CNTNAP2: variants seen among roughly 807,000 people sequenced by gnomAD.
CNTNAP2 encodes contactin-associated protein-like 2.
In CNTNAP2, 98 loss-of-function variants were observed where a neutral mutation model predicts 155.2. The observed-to-expected ratio is 0.63, with a 90% CI of 0.54 to 0.75. The LOEUF is 0.75. CNTNAP2 is among the 30% of genes least tolerant of loss of function. CNTNAP2 has a pLI of 0.00. For missense variants in CNTNAP2, 1,727 were observed against 1,688.1 expected (o/e 1.02, Z -0.40); for synonymous variants, 651 against 631.2 (o/e 1.03, Z -0.47).
At chr7:146,858,655 T>C (rs1461095227) in intron 3 of CNTNAP2, among the ~76,000 whole-genome samples, 1 of 152,118 alleles carries the variant, frequency 6.6e-6, no homozygotes, top group Non-Finnish European at 1.5e-5. Flanking sequence ...GATCACACCA[T>C]TGCACTCCAG....
At chr7:147,100,327 A>G (rs1257886862) in intron 4 of CNTNAP2, among the ~76,000 whole-genome samples, 4 of 152,168 alleles carry the variant, frequency 2.6e-5, no homozygotes, top group Non-Finnish European at 5.9e-5. Context: ...GGTTTATCAT[A>G]TATACATTTT....
chr7:148,038,525 C>A lies in CNTNAP2; in HGVS notation c.2383+60536C>A, dbSNP rs78915818. Reference sequence around the variant, plus strand: ...TTTATGAAAGCATTTCTCAGTCACACCTTTTTTGCCATTTCTGTTTCTGTT... The same window carrying A: ...TTTATGAAAGCATTTCTCAGTCACAACTTTTTTGCCATTTCTGTTTCTGTT... On this transcript the variant is annotated intron_variant, in intron 15 of 23. Coordinates refer to ENST00000361727, the MANE Select transcript of CNTNAP2 (RefSeq NM_014141.6). Among the ~76,000 whole-genome samples, 1,361 of 152,266 alleles carry A rather than the reference C, an allele frequency of 8.9e-3. 23 individuals carry two copies. Among genetic ancestry groups the A allele is most frequent in the African/African-American group, 0.03 (1,254 of 41,534 alleles).
chr7:147,101,195 G>A (rs753214874), intron 4 of CNTNAP2, among the ~76,000 whole-genome samples: 4 of 152,224 alleles, frequency 2.6e-5, no homozygotes, highest in Admixed American at 6.5e-5. Flanking sequence ...CTATATCATT[G>A]AGGGTGGTAT....
At chr7:146,431,124 G>T (rs1023759804) in intron 1 of CNTNAP2, among the ~76,000 whole-genome samples, 1 of 152,020 alleles carries the variant, frequency 6.6e-6, no homozygotes, top group Non-Finnish European at 1.5e-5. Context: ...GTGGGCAGAA[G>T]TTAGGTCTGA....
intron 11 of CNTNAP2, among the ~76,000 whole-genome samples, chr7:147,520,477 C>G (rs1446815432): frequency 6.6e-6 from 1 of 152,290 alleles, no homozygotes; most frequent in East Asian, 1.9e-4. Context: ...AGGTTAGTGT[C>G]TCTCATGGTA....
chr7:146,520,187 T>C (rs2129137207), intron 1 of CNTNAP2, among the ~76,000 whole-genome samples: 2 of 150,884 alleles, frequency 1.3e-5, no homozygotes, highest in East Asian at 3.9e-4. Flanking sequence ...ATTAAATAAT[T>C]ATAGTTGACA....
At chr7:148,106,906 A>G (rs1421470953) in intron 15 of CNTNAP2, among the ~76,000 whole-genome samples, 1 of 152,114 alleles carries the variant, frequency 6.6e-6, no homozygotes, top group Non-Finnish European at 1.5e-5. Flanking sequence ...GAAGGCCACA[A>G]GTTCCCATGA....
intron 1 of CNTNAP2, among the ~76,000 whole-genome samples, chr7:146,658,822 G>A (rs1029792075): frequency 6.6e-6 from 1 of 152,174 alleles, no homozygotes; most frequent in Non-Finnish European, 1.5e-5. Flanking sequence ...GGTACAAGTC[G>A]AGAAAACGAA....
intron 11 of CNTNAP2, among the ~76,000 whole-genome samples, chr7:147,519,263 G>A (rs1260019354): frequency 2.0e-5 from 3 of 151,982 alleles, no homozygotes; most frequent in Non-Finnish European, 4.4e-5. Context: ...CTGGGCTTAG[G>A]GCACTGGCCG....
chr7:147,715,000 T>G (rs936717232), intron 13 of CNTNAP2, among the ~76,000 whole-genome samples: 3 of 152,160 alleles, frequency 2.0e-5, no homozygotes, highest in Non-Finnish European at 2.9e-5. Flanking sequence ...CAAGATGTTG[T>G]GTGTATCAAG....
Position 146,844,269 on chromosome 7 carries a change from T to G in CNTNAP2, c.402+4365T>G, listed in dbSNP as rs1585118884. ...GAATGGTTTATCTGAATATTTAATA[T>G]TCAAAGATCTGAGTTTCTAAATGGG... On this transcript the variant is annotated intron_variant, in intron 3 of 23. Transcript: ENST00000361727. Among the ~76,000 whole-genome samples, 4 of 152,264 alleles carry G rather than the reference T, an allele frequency of 2.6e-5. No homozygotes were observed. The East Asian group carries it at 7.7e-4, about 29-fold the overall frequency.
chr7:146,171,775 A>G (rs1798394846), intron 1 of CNTNAP2, among the ~76,000 whole-genome samples: 1 of 152,152 alleles, frequency 6.6e-6, no homozygotes, highest in South Asian at 2.1e-4. Context: ...ACTTTTAAAA[A>G]TATTGAAATG....
At chr7:148,233,648 G>A (rs1795999725) in intron 20 of CNTNAP2, among the ~76,000 whole-genome samples, 1 of 152,192 alleles carries the variant, frequency 6.6e-6, no homozygotes, top group Non-Finnish European at 1.5e-5. Flanking sequence ...CAGCTCACAT[G>A]TATTGGTGCT....
chr7:147,033,182 A>ATATATG (rs1799075314), intron 3 of CNTNAP2, among the ~76,000 whole-genome samples: 1 of 131,236 alleles, frequency 7.6e-6, no homozygotes, highest in African/African-American at 2.8e-5. Context: ...ATATATATAT[A>ATATATG]TATATATATA....
intron 1 of CNTNAP2, among the ~76,000 whole-genome samples, chr7:146,471,896 G>A (rs1009633101): frequency 1.3e-5 from 2 of 152,170 alleles, no homozygotes; most frequent in Admixed American, 1.3e-4. Flanking sequence ...GGGAAATGGG[G>A]ACCAGTTCTG....
At chr7:146,622,238 T>G (rs917199704) in intron 1 of CNTNAP2, among the ~76,000 whole-genome samples, 3 of 146,088 alleles carry the variant, frequency 2.1e-5, no homozygotes, top group African/African-American at 7.7e-5. Flanking sequence ...TATATATGTG[T>G]GTGTATATCT....
intron 10 of CNTNAP2, among the ~76,000 whole-genome samples, chr7:147,440,625 T>C (rs1391835908): frequency 6.6e-6 from 1 of 152,202 alleles, no homozygotes; most frequent in East Asian, 1.9e-4. Context: ...GAACTCCCTT[T>C]AGCATTTCTT....
intron 8 of CNTNAP2, among the ~76,000 whole-genome samples, chr7:147,173,097 AAAAG>A (rs1563102392): frequency 6.6e-6 from 1 of 152,222 alleles, no homozygotes; most frequent in Non-Finnish European, 1.5e-5. Flanking sequence ...GATCTTCTCA[AAAAG>A]AAAGAACCAT....
intron 3 of CNTNAP2, among the ~76,000 whole-genome samples, chr7:147,028,232 T>C (rs546268116): frequency 5.3e-4 from 81 of 152,310 alleles, no homozygotes; most frequent in Middle Eastern, 3.4e-3. Context: ...ACTTTATTAG[T>C]GCAGAAGACT....
Sources: allele counts gnomAD v4.1 joint callset (sites outside exome capture counted in the v4.1 genomes callset), GRCh38; gene constraint gnomAD v4.1.1; transcripts MANE v1.5; gene names NCBI Gene and HGNC (gene_info 2026-07-23, HGNC 2026-07-21).